CNTN4: variants seen among roughly 807,000 people sequenced by gnomAD.
CNTN4 encodes the protein contactin 4.
A neutral mutation model predicts 122.5 loss-of-function variants in CNTN4; 77 were observed. That is an observed-to-expected ratio of 0.63 (90% CI 0.52 to 0.76). The LOEUF (loss-of-function observed/expected upper bound fraction) is 0.76. Among genes scored for constraint, CNTN4 ranks in the 30% least tolerant of loss-of-function variants. The probability of loss-of-function intolerance (pLI) is 0.00; values close to 1 mark genes in which losing one functional copy is unlikely to be tolerated. For synonymous variants in CNTN4, 512 were observed against 447.0 expected (o/e 1.15, Z -1.83); for missense variants, 1,256 against 1,259.1 (o/e 1.00, Z 0.04).
At chr3:2,720,999 G>T (rs985903315) in intron 4 of CNTN4, among the ~76,000 whole-genome samples, 1 of 152,078 alleles carries the variant, frequency 6.6e-6, no homozygotes, top group African/African-American at 2.4e-5. Flanking sequence ...TTGAGACAGA[G>T]TCTTGCTCTG....
rs186230373 is a variant in CNTN4, at chr3:2,190,433, A to C, written c.-145+89794A>C. ...TATACAGGGAAAATAAAATAGATAA[A>C]ATGCTTCACAAAGTTGAGCTGGAGC... On this transcript the variant is annotated intron_variant, in intron 2 of 24. Transcript: ENST00000418658. Among the ~76,000 whole-genome samples, 386 of 152,140 alleles carry C rather than the reference A, an allele frequency of 2.5e-3. 1 individual carries two copies. The highest frequency in any genetic ancestry group is 3.7e-3 in the Non-Finnish European group (251 of 67,978).
chr3:2,110,197 C>T (rs1194379654), intron 2 of CNTN4, among the ~76,000 whole-genome samples: 1 of 152,142 alleles, frequency 6.6e-6, no homozygotes, highest in South Asian at 2.1e-4. Context: ...CTTGTTTTGT[C>T]TCTTACTAGC....
intron 12 of CNTN4, among the ~76,000 whole-genome samples, chr3:2,913,968 A>G (rs1245935234): frequency 6.6e-6 from 1 of 152,206 alleles, no homozygotes. Flanking sequence ...CTCTCGGACT[A>G]TGACGGAATG....
chr3:2,431,656 C>G (rs1037768952), intron 3 of CNTN4, among the ~76,000 whole-genome samples: 2 of 152,062 alleles, frequency 1.3e-5, no homozygotes, highest in Admixed American at 6.6e-5. Flanking sequence ...CCGCTGAGGA[C>G]ACAGTAGAGA....
chr3:2,467,270 G>C (rs1345089752), intron 3 of CNTN4, among the ~76,000 whole-genome samples: 1 of 151,576 alleles, frequency 6.6e-6, no homozygotes, highest in African/African-American at 2.4e-5. Context: ...TCTAAATTTA[G>C]TTTCTAGCTA....
chr3:2,473,317 C>G (rs924575888), intron 3 of CNTN4, among the ~76,000 whole-genome samples: 1 of 151,088 alleles, frequency 6.6e-6, no homozygotes, highest in Non-Finnish European at 1.5e-5. Flanking sequence ...CTGTCTCTAA[C>G]TGGCTTCCTC....
chr3:2,562,709 ATTTCT>A (rs1204102081), intron 3 of CNTN4, among the ~76,000 whole-genome samples: 1 of 148,902 alleles, frequency 6.7e-6, no homozygotes, highest in Admixed American at 6.7e-5. Context: ...TTTTTTAATT[ATTTCT>A]TTTCTTTTTT....
chr3:2,834,160 A>C (rs544513362), intron 7 of CNTN4, among the ~76,000 whole-genome samples: 2 of 152,234 alleles, frequency 1.3e-5, no homozygotes, highest in South Asian at 4.1e-4. Flanking sequence ...AGATAAATAA[A>C]AAATAATAAT....
At chr3:2,125,689 C>T (rs921578704) in intron 2 of CNTN4, among the ~76,000 whole-genome samples, 5 of 151,812 alleles carry the variant, frequency 3.3e-5, no homozygotes, top group South Asian at 4.2e-4. Flanking sequence ...TCCTGAGTAG[C>T]TGGGACTACA....
At chr3:2,566,660 C>T (rs1305822567) in intron 3 of CNTN4, among the ~76,000 whole-genome samples, 2 of 152,160 alleles carry the variant, frequency 1.3e-5, no homozygotes, top group Non-Finnish European at 2.9e-5. Context: ...AGTTAATGCT[C>T]ACATACAAAA....
chr3:2,850,564 C>G (rs1559578751), intron 7 of CNTN4, among the ~76,000 whole-genome samples: 1 of 152,144 alleles, frequency 6.6e-6, no homozygotes, highest in Non-Finnish European at 1.5e-5. Flanking sequence ...CATGCGAAAC[C>G]ATGTTCTGTG....
intron 6 of CNTN4, among the ~76,000 whole-genome samples, chr3:2,748,752 T>C (rs1175418652): frequency 2.0e-5 from 3 of 152,222 alleles, no homozygotes; most frequent in Non-Finnish European, 2.9e-5. Flanking sequence ...GTCTGCATCG[T>C]CTTGAGCCTT....
At chr3:3,000,377 G>A (rs1467484158) in intron 14 of CNTN4, among the ~76,000 whole-genome samples, 3 of 142,494 alleles carry the variant, frequency 2.1e-5, no homozygotes, top group African/African-American at 7.6e-5. Flanking sequence ...ATCCAAGGAA[G>A]AGAAGACTTA....
intron 3 of CNTN4, among the ~76,000 whole-genome samples, chr3:2,402,544 A>AG (rs2046895128): frequency 6.6e-6 from 1 of 152,074 alleles, no homozygotes; most frequent in African/African-American, 2.4e-5. Flanking sequence ...CCCTCCATTT[A>AG]TCTGTATTAG....
At chr3:2,455,927 A>C (rs532694889) in intron 3 of CNTN4, among the ~76,000 whole-genome samples, 1 of 152,212 alleles carries the variant, frequency 6.6e-6, no homozygotes, top group Non-Finnish European at 1.5e-5. Flanking sequence ...AATCAGGGTT[A>C]ATATTCAAAT....
At chr3:2,350,244 T>G (rs4577447) in intron 3 of CNTN4, among the ~76,000 whole-genome samples, 19,349 of 152,176 alleles carry the variant, frequency 0.13, 1,533 homozygotes, top group Non-Finnish European at 0.18. Context: ...AAGTACAGGA[T>G]TAACCATGTT....
chr3:2,594,445 G>C (rs918023220), intron 4 of CNTN4, among the ~76,000 whole-genome samples: 2 of 131,280 alleles, frequency 1.5e-5, no homozygotes, highest in African/African-American at 5.7e-5. Flanking sequence ...TTGAGACAGA[G>C]TCTTGCTTTG....
chr3:2,952,224 T>C (rs1406921605), intron 13 of CNTN4, among the ~76,000 whole-genome samples: 1 of 152,220 alleles, frequency 6.6e-6, no homozygotes, highest in Non-Finnish European at 1.5e-5. Flanking sequence ...TAGGATATAG[T>C]TGGAACCTGT....
intron 3 of CNTN4, among the ~76,000 whole-genome samples, chr3:2,531,933 C>T (rs944448669): frequency 2.0e-5 from 3 of 152,134 alleles, no homozygotes; most frequent in African/African-American, 7.2e-5. Flanking sequence ...GAGAAAATTT[C>T]AACCTTATAC....
Sources: allele counts gnomAD v4.1 joint callset (sites outside exome capture counted in the v4.1 genomes callset), GRCh38; gene constraint gnomAD v4.1.1; transcripts MANE v1.5; gene names NCBI Gene and HGNC (gene_info 2026-07-23, HGNC 2026-07-21).